The following CADM2 variants were observed in gnomAD, a reference collection of about 807,000 sequenced individuals.
CADM2 encodes the protein immunoglobulin superfamily member 4D.
Under a neutral mutation model 49.8 loss-of-function variants are expected in CADM2, and 12 were observed. That is an observed-to-expected ratio of 0.24 (90% CI 0.15 to 0.39). CADM2 has a LOEUF of 0.39. CADM2 is among the 10% of genes least tolerant of loss of function. The probability of loss-of-function intolerance (pLI) is 1.00; values close to 1 mark genes in which losing one functional copy is unlikely to be tolerated. For synonymous variants in CADM2, 214 were observed against 175.4 expected (o/e 1.22, Z -1.74); for missense variants, 378 against 492.3 (o/e 0.77, Z 2.20).
chr3:85,219,902 T>G (rs1409900583), intron 1 of CADM2, among the ~76,000 whole-genome samples: 3 of 152,170 alleles, frequency 2.0e-5, no homozygotes, highest in African/African-American at 7.2e-5. Flanking sequence ...TTGAGGCACA[T>G]GAAATCTTAA....
chr3:85,676,966 C>G (rs943804278), intron 1 of CADM2, among the ~76,000 whole-genome samples: 1 of 152,104 alleles, frequency 6.6e-6, no homozygotes, highest in African/African-American at 2.4e-5. Flanking sequence ...GCTAAACTTT[C>G]ATATAGGTTT....
In CADM2 at chr3:86,065,591, C is replaced by T; in HGVS notation, c.971-14C>T. ...AACACATTAAATAGAACAATATTTT[C>T]CTGTCTTTTCCAGATCCTAATGCTT... On this transcript the variant is annotated splice_polypyrimidine_tract_variant and intron_variant, in intron 8 of 9. Coordinates refer to ENST00000383699, the MANE Select transcript of CADM2 (RefSeq NM_001167675.2). The T allele has an allele frequency of 6.2e-7, 1 of 1,605,294 alleles. No homozygotes were observed. The highest frequency in any genetic ancestry group is 8.5e-7 in the Non-Finnish European group (1 of 1,177,090).
intron 1 of CADM2, among the ~76,000 whole-genome samples, chr3:85,284,668 A>G (rs185598439): frequency 2.7e-4 from 41 of 152,250 alleles, no homozygotes; most frequent in Admixed American, 2.0e-3. Flanking sequence ...CTGCCTATGC[A>G]TGGGAGGTCA....
At chr3:85,859,224 CTTTTTTTT>C (rs397990427) in intron 3 of CADM2, among the ~76,000 whole-genome samples, 2 of 70,596 alleles carry the variant, frequency 2.8e-5, no homozygotes, top group Non-Finnish European at 5.0e-5. Flanking sequence ...TTTTTTTTGT[CTTTTTTTT>C]TTTTTTTTTT....
intron 1 of CADM2, among the ~76,000 whole-genome samples, chr3:85,027,746 T>C (rs762415891): frequency 1.3e-5 from 2 of 152,150 alleles, no homozygotes; most frequent in Non-Finnish European, 2.9e-5. Context: ...TTTAATCTTC[T>C]AGTGGAACAT....
At chr3:85,468,326 T>C (rs1410266054) in intron 1 of CADM2, among the ~76,000 whole-genome samples, 1 of 152,054 alleles carries the variant, frequency 6.6e-6, no homozygotes, top group Non-Finnish European at 1.5e-5. Context: ...TGAACTGTTG[T>C]GTCTAAGCCC....
At chr3:85,534,905 C>G (rs958538566) in intron 1 of CADM2, among the ~76,000 whole-genome samples, 1 of 152,088 alleles carries the variant, frequency 6.6e-6, no homozygotes, top group Non-Finnish European at 1.5e-5. Context: ...TTATGTCAAA[C>G]TGAAGTCATA....
chr3:85,645,755 A>T (rs1364645521), intron 1 of CADM2, among the ~76,000 whole-genome samples: 3 of 151,926 alleles, frequency 2.0e-5, no homozygotes, highest in African/African-American at 7.2e-5. Flanking sequence ...TGTTTTTTCT[A>T]TTTTAAGAAT....
chr3:85,756,942 T>C (rs542533831), intron 2 of CADM2, among the ~76,000 whole-genome samples: 34 of 152,232 alleles, frequency 2.2e-4, no homozygotes, highest in Non-Finnish European at 4.3e-4. Context: ...ATAGGCAAGA[T>C]GGTTTAATAA....
chr3:85,447,570 A>C lies in CADM2; in HGVS notation c.62-278952A>C, dbSNP rs573811971. On this transcript the variant is annotated intron_variant, in intron 1 of 9. Coordinates refer to ENST00000383699, the MANE Select transcript of CADM2 (RefSeq NM_001167675.2). ...TCACTTCATTAATCGTGTTTATTCA[A>C]GTTTGCATTCTATCTACAGCACACG... Among the ~76,000 whole-genome samples the C allele has an allele frequency of 4.6e-5, 7 of 152,240 alleles. No individual in the cohort carries two copies. In the South Asian group the frequency reaches 1.2e-3, roughly 27 times the overall value.
intron 1 of CADM2, among the ~76,000 whole-genome samples, chr3:85,255,108 A>G (rs1003633814): frequency 3.3e-5 from 5 of 152,108 alleles, no homozygotes; most frequent in African/African-American, 1.2e-4. Context: ...CCAAATTTTG[A>G]ACTATTCACT....
chr3:85,538,663 T>G (rs887347578), intron 1 of CADM2, among the ~76,000 whole-genome samples: 5 of 152,140 alleles, frequency 3.3e-5, no homozygotes, highest in Non-Finnish European at 5.9e-5. Flanking sequence ...AGAAAACTAT[T>G]GTCAGAAAAT....
chr3:85,494,187 G>T (rs962021576), intron 1 of CADM2, among the ~76,000 whole-genome samples: 1 of 151,944 alleles, frequency 6.6e-6, no homozygotes, highest in Non-Finnish European at 1.5e-5. Flanking sequence ...AAAAAGAAAA[G>T]AAATTAGCTG....
intron 1 of CADM2, among the ~76,000 whole-genome samples, chr3:85,708,329 G>A (rs548336530): frequency 1.3e-5 from 2 of 151,660 alleles, no homozygotes; most frequent in Non-Finnish European, 2.9e-5. Context: ...TAGATTAATA[G>A]CATTTTGTTA....
intron 1 of CADM2, among the ~76,000 whole-genome samples, chr3:85,348,740 T>A (rs2031029820): frequency 6.6e-6 from 1 of 151,890 alleles, no homozygotes; most frequent in Admixed American, 6.6e-5. Context: ...AATGTGAGAG[T>A]TTTACCTAAA....
chr3:85,427,796 T>A (rs1260001286), intron 1 of CADM2, among the ~76,000 whole-genome samples: 3 of 152,258 alleles, frequency 2.0e-5, no homozygotes, highest in Admixed American at 2.0e-4. Context: ...TAAAACATGT[T>A]TCCTACTAAT....
At chr3:85,742,412 T>C (rs1259904411) in intron 2 of CADM2, among the ~76,000 whole-genome samples, 1 of 152,218 alleles carries the variant, frequency 6.6e-6, no homozygotes, top group Non-Finnish European at 1.5e-5. Context: ...TGTCATGATC[T>C]GGTTGTGTCT....
At chr3:85,490,064 G>T (rs2039607317) in intron 1 of CADM2, among the ~76,000 whole-genome samples, 1 of 70,644 alleles carries the variant, frequency 1.4e-5, no homozygotes, top group Non-Finnish European at 2.7e-5. Context: ...ATCTCAGTGA[G>T]TCCATTAATT....
chr3:85,928,321 G>A (rs896707995), intron 6 of CADM2, among the ~76,000 whole-genome samples: 3 of 152,036 alleles, frequency 2.0e-5, no homozygotes, highest in Non-Finnish European at 4.4e-5. Flanking sequence ...ATCATGCCCA[G>A]CTAATTTTTG....
Sources: gnomAD v4.1 joint callset for allele counts (sites outside exome capture counted in the v4.1 genomes callset) on GRCh38, gnomAD v4.1.1 for gene constraint, MANE v1.5 for transcripts, NCBI Gene and HGNC (gene_info 2026-07-23, HGNC 2026-07-21) for gene names.